The following GRID2 variants were observed in gnomAD, a reference collection of about 807,000 sequenced individuals.
The protein encoded by GRID2 is glutamate receptor ionotropic, delta-2.
In GRID2, 33 loss-of-function variants were observed where a neutral mutation model predicts 114.8. The observed-to-expected ratio is 0.29, with a 90% confidence interval of 0.22 to 0.38. The LOEUF (loss-of-function observed/expected upper bound fraction) is 0.38, where lower values mean the gene tolerates loss of function less well. GRID2 is among the 10% of genes least tolerant of loss of function. The probability of loss-of-function intolerance (pLI) is 1.00; values close to 1 mark genes in which losing one functional copy is unlikely to be tolerated. For missense variants in GRID2, 1,184 were observed against 1,257.7 expected (o/e 0.94, Z 0.89); for synonymous variants, 505 against 449.9 (o/e 1.12, Z -1.55).
chr4:93,113,839 G>T (rs1732996723), intron 4 of GRID2, among the ~76,000 whole-genome samples: 1 of 152,086 alleles, frequency 6.6e-6, no homozygotes, highest in Non-Finnish European at 1.5e-5. Context: ...GGATCAGGCA[G>T]AAAAGGGTGG....
At chr4:93,514,644 G>A (rs1330355751) in intron 12 of GRID2, among the ~76,000 whole-genome samples, 1 of 151,962 alleles carries the variant, frequency 6.6e-6, no homozygotes, top group African/African-American at 2.4e-5. Flanking sequence ...TATAAAATGG[G>A]TCAAATAATT....
chr4:93,516,145 T>C (rs1280118274), intron 13 of GRID2, among the ~76,000 whole-genome samples: 1 of 152,154 alleles, frequency 6.6e-6, no homozygotes, highest in Admixed American at 6.6e-5. Flanking sequence ...TAAATAATTA[T>C]GGAATGCAGG....
At chr4:92,999,399 T>A (rs2149215000) in intron 2 of GRID2, among the ~76,000 whole-genome samples, 1 of 151,960 alleles carries the variant, frequency 6.6e-6, no homozygotes, top group East Asian at 1.9e-4. Flanking sequence ...ACTCACCTTC[T>A]GGGAAACCTG....
chr4:93,296,658 A>G (rs964143208), intron 8 of GRID2, among the ~76,000 whole-genome samples: 1 of 152,206 alleles, frequency 6.6e-6, no homozygotes, highest in African/African-American at 2.4e-5. Context: ...ATGTATATCT[A>G]TTCATTTCTG....
At chr4:93,022,582 A>C (rs1723482024) in intron 2 of GRID2, among the ~76,000 whole-genome samples, 1 of 152,032 alleles carries the variant, frequency 6.6e-6, no homozygotes, top group African/African-American at 2.4e-5. Flanking sequence ...TTGAATTTTA[A>C]CAGGTATTGC....
chr4:93,421,013 A>G (rs1768219695), intron 9 of GRID2, among the ~76,000 whole-genome samples: 1 of 152,160 alleles, frequency 6.6e-6, no homozygotes, highest in African/African-American at 2.4e-5. Flanking sequence ...TCGGTCTCCC[A>G]AAGTGCTGGG....
chr4:93,145,080 T>C (rs1183168223), intron 4 of GRID2, among the ~76,000 whole-genome samples: 1 of 152,174 alleles, frequency 6.6e-6, no homozygotes, highest in Non-Finnish European at 1.5e-5. Context: ...TTTATTTTAG[T>C]TTTTACCTGG....
intron 2 of GRID2, among the ~76,000 whole-genome samples, chr4:93,066,517 C>T (rs538885505): frequency 2.0e-5 from 3 of 151,904 alleles, no homozygotes; most frequent in Admixed American, 6.6e-5. Flanking sequence ...GGTCCTCCCT[C>T]GTTTACAGGG....
intron 2 of GRID2, among the ~76,000 whole-genome samples, chr4:92,991,799 A>T (rs566392894): frequency 1.3e-5 from 2 of 152,340 alleles, no homozygotes; most frequent in South Asian, 4.1e-4. Flanking sequence ...CCTGAGTACA[A>T]ATACACAAAA....
chr4:92,340,671 CCT>C (rs1474456822), intron 1 of GRID2, among the ~76,000 whole-genome samples: 2 of 152,120 alleles, frequency 1.3e-5, no homozygotes, highest in African/African-American at 2.4e-5. Flanking sequence ...GATGATCACC[CCT>C]GTCTAGACGC....
At chr4:92,558,240 A>G (rs1726952195) in intron 1 of GRID2, among the ~76,000 whole-genome samples, 1 of 152,156 alleles carries the variant, frequency 6.6e-6, no homozygotes, top group Non-Finnish European at 1.5e-5. Flanking sequence ...TTAGAAAACT[A>G]TGCACATGTT....
At chr4:93,141,938 G>T (rs533118659) in intron 4 of GRID2, among the ~76,000 whole-genome samples, 1 of 152,276 alleles carries the variant, frequency 6.6e-6, no homozygotes, top group South Asian at 2.1e-4. Context: ...TACCACTTGT[G>T]GTTTAATATT....
intron 2 of GRID2, among the ~76,000 whole-genome samples, chr4:92,761,370 T>C (rs1371120452): frequency 6.6e-6 from 1 of 152,196 alleles, no homozygotes; most frequent in Non-Finnish European, 1.5e-5. Flanking sequence ...TTTCACTGTG[T>C]TACCAAATTT....
intron 14 of GRID2, among the ~76,000 whole-genome samples, chr4:93,631,258 G>T (rs1302778693): frequency 6.6e-6 from 1 of 151,356 alleles, no homozygotes; most frequent in African/African-American, 2.4e-5. Context: ...GGGTACATGT[G>T]CACAACGTGC....
chr4:92,530,426 G>C (rs1239207514), intron 1 of GRID2, among the ~76,000 whole-genome samples: 1 of 146,648 alleles, frequency 6.8e-6, no homozygotes, highest in Non-Finnish European at 1.5e-5. Flanking sequence ...CAAGACTTTG[G>C]ATCTAATTAC....
chr4:92,925,649 G>A (rs1054518130), intron 2 of GRID2, among the ~76,000 whole-genome samples: 1 of 151,866 alleles, frequency 6.6e-6, no homozygotes, highest in East Asian at 1.9e-4. Context: ...GAAATTTTCT[G>A]TGGCTGGCTT....
At chr4:92,909,107 T>C (rs1468050505) in intron 2 of GRID2, among the ~76,000 whole-genome samples, 1 of 152,186 alleles carries the variant, frequency 6.6e-6, no homozygotes, top group African/African-American at 2.4e-5. Flanking sequence ...GTAAGAGTGA[T>C]ATACCTTATC....
chr4:93,547,931 C>A (rs1312238345), intron 13 of GRID2, among the ~76,000 whole-genome samples: 1 of 152,172 alleles, frequency 6.6e-6, no homozygotes, highest in Non-Finnish European at 1.5e-5. Flanking sequence ...AATCTCAGCA[C>A]TTTGGGAGCC....
At chr4:93,340,264 T>C (rs1759515382) in intron 8 of GRID2, among the ~76,000 whole-genome samples, 1 of 151,186 alleles carries the variant, frequency 6.6e-6, no homozygotes, top group Admixed American at 6.6e-5. Flanking sequence ...TTTTTAACTT[T>C]CTGTAGAAAA....
Sources: allele counts gnomAD v4.1 joint callset (sites outside exome capture counted in the v4.1 genomes callset), GRCh38; gene constraint gnomAD v4.1.1; transcripts MANE v1.5; gene names NCBI Gene and HGNC (gene_info 2026-07-23, HGNC 2026-07-21).